Variants in FOXN3 observed in about 807,000 individuals in gnomAD.
FOXN3 encodes forkhead box protein N3.
FOXN3 carries 7 observed loss-of-function variants against 38.4 expected under a neutral mutation model. The observed-to-expected ratio is 0.18, with a 90% CI of 0.10 to 0.34. The LOEUF (loss-of-function observed/expected upper bound fraction) is 0.34, where lower values mean the gene tolerates loss of function less well. Ranked by LOEUF, FOXN3 falls within the 10% of genes least tolerant of loss-of-function variation. The pLI is 1.00. For missense variants in FOXN3, 456 were observed against 613.4 expected (o/e 0.74, Z 2.71); for synonymous variants, 230 against 242.2 (o/e 0.95, Z 0.47).
intron 1 of FOXN3, among the ~76,000 whole-genome samples, chr14:89,600,308 T>G (rs1896131593): frequency 6.6e-6 from 1 of 152,178 alleles, no homozygotes. Flanking sequence ...TGTATGGTCA[T>G]CCTAATAATA....
At position 89,464,854 on chromosome 14, in the gene FOXN3, C is replaced by T. The variant is rs189918432; in HGVS notation, c.-14-52364G>A. On this transcript the variant is annotated intron_variant, in intron 1 of 6. Transcript: ENST00000345097. ...CTGGGATTACAGCTGCCCACCACCA[C>T]GCCCGGCTAATTTTTGTACTTTTGG... Among the ~76,000 whole-genome samples the T allele has an allele frequency of 2.0e-4, 31 of 152,200 alleles. 1 individual carries two copies. In the East Asian group the frequency reaches 2.3e-3, roughly 11 times the overall value.
intron 3 of FOXN3, among the ~76,000 whole-genome samples, chr14:89,286,820 C>A (rs1430658477): frequency 6.6e-6 from 1 of 152,074 alleles, no homozygotes; most frequent in Non-Finnish European, 1.5e-5. Context: ...TCACAAAATA[C>A]CACTCACCGT....
intron 2 of FOXN3, among the ~76,000 whole-genome samples, chr14:89,376,699 C>T (rs896093049): frequency 2.6e-5 from 4 of 152,016 alleles, no homozygotes; most frequent in African/African-American, 7.2e-5. Flanking sequence ...AAGCACCCAG[C>T]ATTGCCTGGC....
intron 1 of FOXN3, among the ~76,000 whole-genome samples, chr14:89,463,043 C>G (rs943220211): frequency 6.6e-6 from 1 of 151,414 alleles, no homozygotes; most frequent in Non-Finnish European, 1.5e-5. Context: ...GTAATCCCAG[C>G]ACTTTGGGAG....
intron 1 of FOXN3, among the ~76,000 whole-genome samples, chr14:89,436,358 G>T (rs960203546): frequency 4.0e-5 from 6 of 150,546 alleles, no homozygotes; most frequent in Non-Finnish European, 7.4e-5. Flanking sequence ...GAAGACTTTT[G>T]GTCATGGTGT....
chr14:89,514,597 T>C (rs929076288), intron 1 of FOXN3, among the ~76,000 whole-genome samples: 1 of 152,216 alleles, frequency 6.6e-6, no homozygotes, highest in Non-Finnish European at 1.5e-5. Flanking sequence ...TTGGTCAAGG[T>C]CATGCACATT....
chr14:89,613,168 T>G (rs539492433), intron 1 of FOXN3, among the ~76,000 whole-genome samples: 65 of 150,194 alleles, frequency 4.3e-4, no homozygotes, highest in African/African-American at 1.5e-3. Context: ...AATCTAAACT[T>G]GTATAATATA....
intron 1 of FOXN3, among the ~76,000 whole-genome samples, chr14:89,452,920 C>T (rs1386303744): frequency 2.0e-5 from 3 of 152,214 alleles, no homozygotes; most frequent in South Asian, 2.1e-4. Flanking sequence ...ACTTAAAGGC[C>T]GGGCACGGCA....
At chr14:89,467,307 C>T (rs956854201) in intron 1 of FOXN3, among the ~76,000 whole-genome samples, 1 of 152,162 alleles carries the variant, frequency 6.6e-6, no homozygotes, top group South Asian at 2.1e-4. Context: ...ACTCTGAGAT[C>T]CTTGTGGGCA....
At chr14:89,527,122 G>T (rs1410065004) in intron 1 of FOXN3, among the ~76,000 whole-genome samples, 1 of 151,220 alleles carries the variant, frequency 6.6e-6, no homozygotes, top group Non-Finnish European at 1.5e-5. Flanking sequence ...GGATGAGGGG[G>T]TGAAGGGGAA....
chr14:89,534,057 C>T (rs1047221394), intron 1 of FOXN3, among the ~76,000 whole-genome samples: 9 of 151,940 alleles, frequency 5.9e-5, no homozygotes, highest in African/African-American at 2.2e-4. Flanking sequence ...TGCTTCCCCC[C>T]CGCCACCCAC....
intron 1 of FOXN3, among the ~76,000 whole-genome samples, chr14:89,470,827 G>GA (rs1893079392): frequency 6.6e-6 from 1 of 152,314 alleles, no homozygotes; most frequent in Middle Eastern, 3.4e-3. Flanking sequence ...TGAACAGAGA[G>GA]AACCAAGTCA....
intron 2 of FOXN3, among the ~76,000 whole-genome samples, chr14:89,405,831 TC>T (rs1482226383): frequency 6.6e-6 from 1 of 152,114 alleles, no homozygotes; most frequent in Non-Finnish European, 1.5e-5. Flanking sequence ...CACAGAGAGA[TC>T]ATCTACAATG....
intron 1 of FOXN3, among the ~76,000 whole-genome samples, chr14:89,597,144 A>AC (rs932918204): frequency 9.9e-5 from 15 of 152,164 alleles, no homozygotes; most frequent in African/African-American, 1.4e-4. Context: ...CATGCATTCC[A>AC]CAATTTTTGC....
chr14:89,195,566 A>G (rs988608205), intron 4 of FOXN3, among the ~76,000 whole-genome samples: 1 of 152,164 alleles, frequency 6.6e-6, no homozygotes, highest in Non-Finnish European at 1.5e-5. Flanking sequence ...TCAGAGGCAT[A>G]GCTGATTGTG....
At chr14:89,497,917 T>C (rs918116305) in intron 1 of FOXN3, among the ~76,000 whole-genome samples, 6 of 124,734 alleles carry the variant, frequency 4.8e-5, no homozygotes, top group African/African-American at 2.2e-4. Flanking sequence ...CCTGTTTGTT[T>C]GTTTGGTTTT....
chr14:89,349,107 G>A (rs956882967), intron 3 of FOXN3, among the ~76,000 whole-genome samples: 2 of 152,126 alleles, frequency 1.3e-5, no homozygotes, highest in Admixed American at 6.5e-5. Flanking sequence ...AAAGAAACAT[G>A]AGAATCTGGG....
Position 89,417,113 on chromosome 14 carries a change from C to G in FOXN3, c.-257G>C, listed in dbSNP as rs1190373876. Reference sequence around the variant, plus strand: ...CCGGGCGCGCCGCGCGTCCTCCCGCCGGCCCCGCCGCTCTCCCCGCCCCGT... The same window carrying G: ...CCGGGCGCGCCGCGCGTCCTCCCGCGGGCCCCGCCGCTCTCCCCGCCCCGT... On this transcript the variant is annotated 5_prime_UTR_variant, in exon 1 of 6. Transcript: ENST00000557258. 1.0e-4 allele frequency: 15 copies of G among 144,368 alleles called. No homozygotes were observed. Among genetic ancestry groups the G allele is most frequent in the Non-Finnish European group, 1.5e-4 (10 of 65,080 alleles). The allele number at this position is 144,368 out of a possible 1,614,324, so 8.9% of individuals were successfully genotyped here.
At chr14:89,502,278 T>C (rs1893818256) in intron 1 of FOXN3, among the ~76,000 whole-genome samples, 1 of 151,988 alleles carries the variant, frequency 6.6e-6, no homozygotes, top group African/African-American at 2.4e-5. Flanking sequence ...CAAGATGGAG[T>C]TCCCATGGGA....
Sources: gnomAD v4.1 joint callset for allele counts (sites outside exome capture counted in the v4.1 genomes callset) on GRCh38, gnomAD v4.1.1 for gene constraint, MANE v1.5 for transcripts, NCBI Gene and HGNC (gene_info 2026-07-23, HGNC 2026-07-21) for gene names.